The following PFKFB4 variants were observed in gnomAD, a reference collection of about 807,000 sequenced individuals.
The protein encoded by PFKFB4 is 6-phosphofructo-2-kinase/fructose-2,6-biphosphatase 4.
A neutral mutation model predicts 62.8 loss-of-function variants in PFKFB4; 42 were observed. The ratio of observed to expected loss-of-function variants is 0.67; its 90% CI spans 0.52 to 0.86. PFKFB4 has a LOEUF of 0.86. Ranked by LOEUF, PFKFB4 falls within the 40% of genes least tolerant of loss-of-function variation. PFKFB4 has a pLI of 0.00. For missense variants in PFKFB4, 475 were observed against 627.2 expected, an observed-to-expected ratio of 0.76 and a Z score of 2.59; for synonymous variants, 204 against 240.7, an observed-to-expected ratio of 0.85 and a Z score of 1.41.
chr3:48,539,566 C>T (rs1038872394), intron 5 of PFKFB4, 131 bp downstream of exon 5: 8 of 843,380 alleles, frequency 9.5e-6, no homozygotes, highest in Middle Eastern at 3.3e-4. Flanking sequence ...GACAGCCCCT[C>T]TCATCCCAAA....
intron 3 of PFKFB4, among the ~76,000 whole-genome samples, chr3:48,543,941 C>T (rs1328405013): frequency 6.6e-6 from 1 of 152,026 alleles, no homozygotes; most frequent in East Asian, 1.9e-4. Flanking sequence ...GTCATTGTGC[C>T]ACATTCATGA....
At chr3:48,559,939 C>T (rs1020182337), upstream of PFKFB4, 2 of 230,506 alleles carry the variant, frequency 8.7e-6, no homozygotes, top group Non-Finnish European at 1.7e-5. Flanking sequence ...CACACACACA[C>T]ACACACACAC....
At chr3:48,558,947 C>G (rs1416724714), upstream of PFKFB4, among the ~76,000 whole-genome samples, 3 of 152,218 alleles carry the variant, frequency 2.0e-5, no homozygotes, top group Admixed American at 6.5e-5. Flanking sequence ...TTACCACATG[C>G]CCACACCCTG....
chr3:48,526,655 T>C (rs1306556904), intron 9 of PFKFB4, among the ~76,000 whole-genome samples: 1 of 147,772 alleles, frequency 6.8e-6, no homozygotes, highest in Non-Finnish European at 1.5e-5. Flanking sequence ...AAGAACGCCA[T>C]GTAGGCCGGG....
At chr3:48,534,753 G>T (rs570212742) in intron 9 of PFKFB4, among the ~76,000 whole-genome samples, 12 of 149,942 alleles carry the variant, frequency 8.0e-5, no homozygotes, top group African/African-American at 2.9e-4. Context: ...GAAGAGCAAA[G>T]ATGAGAATGA....
chr3:48,563,112 C>T (rs757958640), upstream of PFKFB4: 4 of 1,609,786 alleles, frequency 2.5e-6, no homozygotes, highest in Non-Finnish European at 2.5e-6. The surrounding 1 kb of genome is among the most constrained non-coding windows in gnomAD (Gnocchi z 4.5). Context: ...AACAGCAGAG[C>T]ACACCTGGTC....
At chr3:48,545,228 T>C (rs545377846) in intron 3 of PFKFB4, among the ~76,000 whole-genome samples, 1 of 152,148 alleles carries the variant, frequency 6.6e-6, no homozygotes, top group East Asian at 1.9e-4. Flanking sequence ...ACCTTCTGGG[T>C]TCAAGCAATT....
chr3:48,522,648 G>C (rs1206985033), intron 12 of PFKFB4, among the ~76,000 whole-genome samples: 1 of 152,216 alleles, frequency 6.6e-6, no homozygotes, highest in Non-Finnish European at 1.5e-5. Flanking sequence ...GAGGACCAAG[G>C]GGCCTTGTGG....
At position 48,550,223 on chromosome 3, in the gene PFKFB4, T is replaced by G. The variant is rs374222865; in HGVS notation, c.109A>C (p.Asn37His). 6.2e-6 allele frequency: 10 copies of G among 1,612,746 alleles called. No individual in the cohort carries two copies. The African/African-American group carries it at 1.2e-4, about 19-fold the overall frequency. Residue 37 changes from asparagine to histidine, a missense_variant, in exon 2 of 14, where the codon AAC becomes CAC. Coordinates refer to ENST00000232375, the MANE Select transcript of PFKFB4 (RefSeq NM_004567.4). ...HACQRGVCMTNCPTLIVMVGL... is the reference protein window; with the variant it reads ...HACQRGVCMTHCPTLIVMVGL... ...ACCATGACAATGAGAGTTGGGCAGT[T>G]GGTCATGCACACTAAAAGGCAAGCA...
intron 3 of PFKFB4, among the ~76,000 whole-genome samples, chr3:48,547,263 T>C (rs776898496): frequency 6.6e-6 from 1 of 152,180 alleles, no homozygotes; most frequent in Non-Finnish European, 1.5e-5. Flanking sequence ...CATGTACATA[T>C]ACCCTTATGT....
Position 48,521,928 on chromosome 3 carries a change from G to T in PFKFB4, c.1350+58C>A. On this transcript the variant is annotated intron_variant, in intron 13 of 13. Coordinates refer to ENST00000232375, the MANE Select transcript of PFKFB4 (RefSeq NM_004567.4). The surrounding 1 kb of genome is among the most constrained non-coding windows in gnomAD (Gnocchi z 5.3). ...TGGGCCTGGCCCTGGAGGATGTGCAGTCTGGACACCCCCACATCAGGAACA... is the reference window on the plus strand; with the variant it reads ...TGGGCCTGGCCCTGGAGGATGTGCATTCTGGACACCCCCACATCAGGAACA... The T allele has an allele frequency of 2.1e-6, 3 of 1,430,144 alleles. No homozygotes were observed. Among genetic ancestry groups the T allele is most frequent in the South Asian group, 2.3e-5 (2 of 87,416 alleles). 88.6% of individuals were successfully genotyped at this position (1,430,144 alleles called of 1,614,324 possible). A position where few individuals can be genotyped will look rare whatever the true frequency, so the allele number is the denominator to read the frequency against.
At chr3:48,557,629 C>T (rs576692296), upstream of PFKFB4, among the ~76,000 whole-genome samples, 4 of 152,300 alleles carry the variant, frequency 2.6e-5, no homozygotes, top group Admixed American at 6.5e-5. Flanking sequence ...CTCCGCCTCC[C>T]GGGTTCAAGG....
In PFKFB4 at chr3:48,556,683, C is replaced by T; in HGVS notation, c.95G>A (p.Gly32Asp). Residue 32 changes from glycine to aspartate, a missense_variant and splice_region_variant, in exon 1 of 14, where the codon GGT (glycine) becomes GAT (aspartate). Physicochemically the swap from Gly to Asp is moderately conservative, Grantham distance 94. Coordinates refer to ENST00000232375, the MANE Select transcript of PFKFB4 (RefSeq NM_004567.4). The surrounding 1 kb of genome is among the most constrained non-coding windows in gnomAD (Gnocchi z 5.7). Reference sequence around the variant, plus strand: ...CCTCCCAGAGGACCCCGCCTCACCACCGCGCTGGCAAGCGTGCAGAGCGGG... The same window carrying T: ...CCTCCCAGAGGACCCCGCCTCACCATCGCGCTGGCAAGCGTGCAGAGCGGG... ...GRPALHACQR[G>D]VCMTNCPTLI... 6.2e-7 allele frequency: 1 copy of T among 1,611,348 alleles called. No individual in the cohort carries two copies. Among genetic ancestry groups the T allele is most frequent in the Non-Finnish European group, 8.5e-7 (1 of 1,178,686 alleles).
Position 48,521,545 on chromosome 3 carries a change from C to T in PFKFB4, c.1350+441G>A, listed in dbSNP as rs1462819243. Among the ~76,000 whole-genome samples, 1 of 152,192 alleles carries T rather than the reference C, an allele frequency of 6.6e-6. No homozygotes were observed. Among genetic ancestry groups the T allele is most frequent in the African/African-American group, 2.4e-5 (1 of 41,438 alleles). On this transcript the variant is annotated intron_variant, in intron 13 of 13. Transcript: ENST00000232375. The surrounding 1 kb of genome is among the most constrained non-coding windows in gnomAD (Gnocchi z 5.3). ...AAAGGTGCTGGGGTTAGGAAAGGGG[C>T]TCATGAGGCCTCGGCTGCAGGGATG...
upstream of PFKFB4, chr3:48,557,050 C>A (rs1239660067): frequency 1.8e-6 from 2 of 1,107,918 alleles, no homozygotes; most frequent in Middle Eastern, 3.2e-4. Context: ...GCATGCTCAA[C>A]TCCGGATTGT....
At position 48,519,764 on chromosome 3, in the gene PFKFB4, C is replaced by T; in HGVS notation, c.1393G>A (p.Val465Met). The T allele has an allele frequency of 6.2e-7, 1 of 1,613,620 alleles. No individual in the cohort carries two copies. Among genetic ancestry groups the T allele is most frequent in the Non-Finnish European group, 8.5e-7 (1 of 1,179,736 alleles). Reference sequence around the variant, plus strand: ...GAACATGGTCACTGGTGAGCAGGCACCGTGACAAGGGCTTCCTCTGGAGGT... The same window carrying T: ...GAACATGGTCACTGGTGAGCAGGCATCGTGACAAGGGCTTCCTCTGGAGGT... ...SRPPEEALVT[V>M]PAHQ The change falls in exon 14 of 14, where the codon GTG becomes ATG. Residue 465 changes from valine to methionine, a missense_variant. Val to Met is a conservative substitution (Grantham distance 21, BLOSUM62 1). Transcript: ENST00000232375.
chr3:48,539,604 T>A (rs1243575006), intron 5 of PFKFB4, 93 bp downstream of exon 5: 2 of 1,053,424 alleles, frequency 1.9e-6, no homozygotes, highest in East Asian at 2.4e-5. Flanking sequence ...GCCAGCCCCA[T>A]GCCCCTCATG....
chr3:48,548,939 G>A lies in PFKFB4; in HGVS notation c.311+925C>T, dbSNP rs373629605. Among the ~76,000 whole-genome samples, 10 of 152,288 alleles carry A rather than the reference G, an allele frequency of 6.6e-5. No individual in the cohort carries two copies. In the East Asian group the frequency reaches 9.6e-4, roughly 15 times the overall value. ...GCCCCCTGGTGGCCAGAGAAGGAAC[G>A]GGTAGCCTAGTGTGGACCCCAGTGG... On this transcript the variant is annotated intron_variant, in intron 3 of 13. Coordinates refer to ENST00000232375, the MANE Select transcript of PFKFB4 (RefSeq NM_004567.4).
chr3:48,562,621 G>A, upstream of PFKFB4: 1 of 679,318 alleles, frequency 1.5e-6, no homozygotes, highest in Non-Finnish European at 2.4e-6. This position sits in a 1 kb window ranked among gnomAD's most constrained non-coding sequence, Gnocchi z 4.3. Context: ...GATATGACCT[G>A]CATGACAGTG....
Sources: allele counts gnomAD v4.1 joint callset (sites outside exome capture counted in the v4.1 genomes callset), GRCh38; gene constraint gnomAD v4.1.1; non-coding constraint Gnocchi (gnomAD v3.1); transcripts MANE v1.5; gene names NCBI Gene and HGNC (gene_info 2026-07-23, HGNC 2026-07-21).